DOCK7: variants seen among roughly 807,000 people sequenced by gnomAD.
The protein encoded by DOCK7 is dedicator of cytokinesis protein 7.
In DOCK7, 138 loss-of-function variants were observed where a neutral mutation model predicts 271.0. The ratio of observed to expected loss-of-function variants is 0.51; its 90% CI spans 0.44 to 0.59. The LOEUF (loss-of-function observed/expected upper bound fraction) is 0.59, where lower values mean the gene tolerates loss of function less well. Ranked by LOEUF, DOCK7 falls within the 20% of genes least tolerant of loss-of-function variation. The probability of loss-of-function intolerance (pLI) is 0.00; values close to 1 mark genes in which losing one functional copy is unlikely to be tolerated. For synonymous variants in DOCK7, 823 were observed against 876.1 expected, an observed-to-expected ratio of 0.94 and a Z score of 1.07; for missense variants, 2,066 against 2,592.4, an observed-to-expected ratio of 0.80 and a Z score of 4.41.
intron 48 of DOCK7, among the ~76,000 whole-genome samples, chr1:62,463,104 C>T (rs1645577807): frequency 6.6e-6 from 1 of 151,812 alleles, no homozygotes; most frequent in Non-Finnish European, 1.5e-5. Context: ...CACAAATACC[C>T]TTAGAAATCA....
At chr1:62,473,922 T>C in intron 48 of DOCK7, 60 bp downstream of exon 48, 1 of 1,405,966 alleles carries the variant, frequency 7.1e-7, no homozygotes, top group East Asian at 2.3e-5. Flanking sequence ...GGCCCTTATG[T>C]CATACTGTGG....
At chr1:62,638,435 C>G (rs1006704628) in intron 7 of DOCK7, 3 of 151,216 alleles carry the variant, frequency 2.0e-5, no homozygotes, top group Admixed American at 2.0e-4. Flanking sequence ...ACCATTTTGT[C>G]CTTCACATTT....
intron 7 of DOCK7, 120 bp downstream of exon 7, chr1:62,647,571 G>C: frequency 2.8e-6 from 2 of 701,786 alleles, no homozygotes; most frequent in East Asian, 2.6e-5. Context: ...ATGACATGTA[G>C]AACAATACTT....
At chr1:62,501,131 T>C (rs1646771153) in intron 37 of DOCK7, among the ~76,000 whole-genome samples, 1 of 152,168 alleles carries the variant, frequency 6.6e-6, no homozygotes, top group South Asian at 2.1e-4. Context: ...GAGGACTGCC[T>C]GAGCCTACGA....
intron 49 of DOCK7, among the ~76,000 whole-genome samples, chr1:62,457,252 G>A (rs1006396617): frequency 5.9e-5 from 9 of 152,148 alleles, no homozygotes; most frequent in African/African-American, 1.9e-4. Context: ...AGATGATACA[G>A]GTTGAACATC....
intron 31 of DOCK7, among the ~76,000 whole-genome samples, chr1:62,516,527 A>C (rs1333151650): frequency 6.6e-6 from 1 of 152,196 alleles, no homozygotes; most frequent in East Asian, 1.9e-4. Context: ...CCTCTAGAAA[A>C]CAGAAAGAAT....
intron 48 of DOCK7, among the ~76,000 whole-genome samples, chr1:62,462,582 A>G (rs74076668): frequency 0.037 from 5,694 of 152,280 alleles, 259 homozygotes; most frequent in African/African-American, 0.11. Context: ...GACTTTCACC[A>G]CAAACCTGTG....
chr1:62,644,643 T>A (rs1377313250), intron 7 of DOCK7, among the ~76,000 whole-genome samples: 2 of 152,234 alleles, frequency 1.3e-5, no homozygotes, highest in African/African-American at 4.8e-5. Context: ...CAAATAGTCT[T>A]CTTAATAGTA....
At chr1:62,571,315 T>C (rs191633855) in intron 18 of DOCK7, among the ~76,000 whole-genome samples, 98 of 152,308 alleles carry the variant, frequency 6.4e-4, no homozygotes, top group African/African-American at 2.3e-3. Context: ...TCAGTATCAC[T>C]GATCATCAGA....
intron 2 of DOCK7, among the ~76,000 whole-genome samples, chr1:62,657,116 T>C (rs1268222011): frequency 6.6e-6 from 1 of 152,198 alleles, no homozygotes; most frequent in Non-Finnish European, 1.5e-5. Context: ...CCTTTATCAC[T>C]TGGGAACTGT....
rs539343582 is a variant in DOCK7 at position 62,518,298 on chromosome 1, G to A, written c.3937-4400C>T. On this transcript the variant is annotated intron_variant, in intron 31 of 49. Transcript: ENST00000635253. Reference sequence around the variant, plus strand: ...AAAAATACAAAAAAATTGGTCCGGCGTGGTGGCTCACGCCTGTAATCCCAG... The same window carrying A: ...AAAAATACAAAAAAATTGGTCCGGCATGGTGGCTCACGCCTGTAATCCCAG... Among the ~76,000 whole-genome samples the A allele has an allele frequency of 1.8e-3, 278 of 152,212 alleles. 3 individuals carry two copies. Among genetic ancestry groups the A allele is most frequent in the African/African-American group, 6.5e-3 (272 of 41,532 alleles).
At chr1:62,532,601 T>C (rs1156522476) in intron 29 of DOCK7, among the ~76,000 whole-genome samples, 1 of 152,134 alleles carries the variant, frequency 6.6e-6, no homozygotes, top group Non-Finnish European at 1.5e-5. Flanking sequence ...TCGCAAAGTG[T>C]TGGGATTACA....
intron 14 of DOCK7, chr1:62,608,532 T>C (rs1443698688): frequency 6.6e-6 from 1 of 152,124 alleles, no homozygotes; most frequent in Non-Finnish European, 1.5e-5. Flanking sequence ...TTACTGTCCA[T>C]ACACCTCAAA....
At position 62,539,674 on chromosome 1, in the gene DOCK7, TAAAACA is replaced by T. The variant is rs1645461423; in HGVS notation, c.3187-22_3187-17del. 2.5e-6 allele frequency: 4 copies of T among 1,610,406 alleles called. No individual in the cohort carries two copies. The highest frequency in any genetic ancestry group is 3.4e-6 in the Non-Finnish European group (4 of 1,178,878). On this transcript the variant is annotated splice_polypyrimidine_tract_variant and intron_variant, in intron 26 of 49. Coordinates refer to ENST00000635253, the MANE Select transcript of DOCK7 (RefSeq NM_001367561.1). ...TTTCTGTGTCCTGTGAAACAGAATA[TAAAACA>T]AAAACAAATTAAAGTATGATAGCTT... is the stretch of plus-strand genomic sequence containing the variant.
intron 43 of DOCK7, among the ~76,000 whole-genome samples, chr1:62,480,885 C>T (rs75502346): frequency 1.3e-5 from 2 of 151,904 alleles, no homozygotes. Flanking sequence ...GGCGGGTGCC[C>T]GCAGTCCCAG....
intron 16 of DOCK7, among the ~76,000 whole-genome samples, chr1:62,582,136 C>T (rs1253705902): frequency 5.9e-5 from 9 of 151,968 alleles, no homozygotes; most frequent in African/African-American, 2.2e-4. Context: ...TGATGGACCA[C>T]GTCAAGTTGG....
chr1:62,504,510 C>G (rs1311265353), intron 37 of DOCK7, 120 bp downstream of exon 37: 4 of 1,062,656 alleles, frequency 3.8e-6, no homozygotes, highest in Non-Finnish European at 5.3e-6. Context: ...TCAAGATAGC[C>G]TATGATTAGA....
intron 14 of DOCK7, among the ~76,000 whole-genome samples, chr1:62,590,410 T>C (rs1265343401): frequency 1.3e-5 from 2 of 152,144 alleles, no homozygotes; most frequent in African/African-American, 4.8e-5. Flanking sequence ...CCTGAGGCGA[T>C]GGTGGGAAAG....
At chr1:62,468,811 T>C (rs1249083947) in intron 48 of DOCK7, among the ~76,000 whole-genome samples, 6 of 151,342 alleles carry the variant, frequency 4.0e-5, no homozygotes, top group Non-Finnish European at 7.4e-5. Context: ...ACCCCTTTTA[T>C]AATAGTTGCA....
Sources: allele counts gnomAD v4.1 joint callset (sites outside exome capture counted in the v4.1 genomes callset), GRCh38; gene constraint gnomAD v4.1.1; transcripts MANE v1.5; gene names NCBI Gene and HGNC (gene_info 2026-07-23, HGNC 2026-07-21).